ZNF75D: variants seen among roughly 807,000 people sequenced by gnomAD.
ZNF75D encodes zinc finger protein 75.
A neutral mutation model predicts 33.3 loss-of-function variants in ZNF75D; 33 were observed. The ratio of observed to expected loss-of-function variants is 0.99; its 90% CI spans 0.75 to 1.32. The LOEUF is 1.32. ZNF75D is among the 40% of genes most tolerant of loss of function. The pLI is 0.00. For missense variants in ZNF75D, 338 were observed against 367.5 expected (o/e 0.92, Z 0.66); for synonymous variants, 113 against 130.6 (o/e 0.87, Z 0.92).
At chrX:135,271,744 C>T (rs899628794) in intron 1 of ZNF75D, among the ~76,000 whole-genome samples, 1 of 111,708 alleles carries the variant, frequency 9.0e-6, no homozygotes, top group African/African-American at 3.3e-5. Context: ...ATCAGATTGG[C>T]AGCAGTTTGT....
chrX:135,327,744 T>C (rs1230449052), intron 1 of ZNF75D: 3 of 111,987 alleles, frequency 2.7e-5, no homozygotes, highest in Non-Finnish European at 5.6e-5. Flanking sequence ...ACAGTATTCA[T>C]TGCATTTCCA....
intron 1 of ZNF75D, among the ~76,000 whole-genome samples, chrX:135,305,400 GT>G (rs2148479548): frequency 8.9e-6 from 1 of 111,930 alleles, no homozygotes; most frequent in African/African-American, 3.2e-5. Flanking sequence ...ACACTTGAAT[GT>G]CTGGCTAGAA....
intron 1 of ZNF75D, among the ~76,000 whole-genome samples, chrX:135,320,992 G>C: frequency 9.0e-6 from 1 of 111,468 alleles, no homozygotes. Context: ...TCACAGACTC[G>C]GTAATTATAA....
chrX:135,299,731 G>A (rs1234093030), intron 1 of ZNF75D, among the ~76,000 whole-genome samples: 12 of 112,324 alleles, frequency 1.1e-4, no homozygotes, highest in African/African-American at 2.6e-4. Context: ...TCTTTTAGAC[G>A]TTTTATAATG....
chrX:135,285,314 G>A (rs1264858433), downstream of ZNF75D, among the ~76,000 whole-genome samples: 2 of 111,831 alleles, frequency 1.8e-5, no homozygotes, highest in African/African-American at 3.3e-5. Context: ...CAAGTTGAGG[G>A]TTTGTAGTAT....
chrX:135,249,147 C>T (rs1263002814), exon 4 of ZNF75D: 3 of 323,434 alleles, frequency 9.3e-6, no homozygotes, highest in African/African-American at 5.3e-5. Flanking sequence ...GTAAAACGCT[C>T]AGCACCGATT....
At chrX:135,288,790 T>C (rs2083994012) in intron 6 of ZNF75D, among the ~76,000 whole-genome samples, 1 of 112,481 alleles carries the variant, frequency 8.9e-6, no homozygotes. Context: ...CACACAAAAA[T>C]GTATCAAATA....
intron 2 of ZNF75D, among the ~76,000 whole-genome samples, chrX:135,295,223 C>T (rs1282944078): frequency 8.9e-6 from 1 of 112,011 alleles, no homozygotes; most frequent in Admixed American, 9.4e-5. Context: ...TCCTTGCTGA[C>T]CATTCAGGCT....
At chrX:135,333,718 G>A (rs1250243883) in intron 1 of ZNF75D, among the ~76,000 whole-genome samples, 7 of 111,381 alleles carry the variant, frequency 6.3e-5, no homozygotes, top group Admixed American at 1.9e-4. Context: ...CTACCTTCCC[G>A]CAAAACAAAT....
At chrX:135,274,921 G>A (rs1051686023) in intron 1 of ZNF75D, among the ~76,000 whole-genome samples, 1 of 111,460 alleles carries the variant, frequency 9.0e-6, no homozygotes, top group African/African-American at 3.3e-5. Context: ...ACAGTTTTAG[G>A]TTACCAAGGA....
chrX:135,338,024 G>A (rs2084736704), intron 1 of ZNF75D, among the ~76,000 whole-genome samples: 2 of 111,190 alleles, frequency 1.8e-5, no homozygotes, highest in South Asian at 7.6e-4. Context: ...AGAGGGATGA[G>A]ATGCAAGGAG....
intron 1 of ZNF75D, among the ~76,000 whole-genome samples, chrX:135,322,043 G>C (rs1261230068): frequency 8.9e-6 from 1 of 112,102 alleles, no homozygotes; most frequent in Non-Finnish European, 1.9e-5. Context: ...CCCTCTAGTG[G>C]TGTTGACTCA....
chrX:135,286,825 C>G lies in ZNF75D; in HGVS notation c.*312G>C. The stretch of plus-strand genomic sequence containing the variant: ...CATATGTCTGTTGAGCACTTGATAC[C>G]TGAAAAATTTAGATGACTGGGGGTG... On this transcript the variant is annotated 3_prime_UTR_variant, in exon 7 of 7. Transcript: ENST00000370766. 1.3e-5 allele frequency: 3 copies of G among 229,277 alleles called. No homozygotes were observed. Among genetic ancestry groups the G allele is most frequent in the Admixed American group, 7.0e-5 (1 of 14,233 alleles). The allele number at this position is 229,277 out of a possible 1,213,427, so 18.9% of individuals were successfully genotyped here. A position where few individuals can be genotyped will look rare whatever the true frequency, so the allele number is the denominator to read the frequency against.
intron 1 of ZNF75D, among the ~76,000 whole-genome samples, chrX:135,258,663 T>G (rs1281186962): frequency 8.9e-6 from 1 of 111,922 alleles, no homozygotes; most frequent in Non-Finnish European, 1.9e-5. Flanking sequence ...TCTTGCAAAT[T>G]TCTTTGAGTT....
At chrX:135,303,088 C>A (rs2084239966) in intron 1 of ZNF75D, among the ~76,000 whole-genome samples, 1 of 111,134 alleles carries the variant, frequency 9.0e-6, no homozygotes, top group Non-Finnish European at 1.9e-5. Flanking sequence ...CCTTAAAGAG[C>A]AGTATTGCTG....
intron 1 of ZNF75D, among the ~76,000 whole-genome samples, chrX:135,333,581 A>G (rs1052740735): frequency 8.9e-6 from 1 of 112,013 alleles, no homozygotes; most frequent in Admixed American, 9.5e-5. Context: ...CCCTTATATT[A>G]TCATAGGGTG....
At chrX:135,323,596 A>G (rs781790776) in intron 1 of ZNF75D, among the ~76,000 whole-genome samples, 1 of 111,729 alleles carries the variant, frequency 9.0e-6, no homozygotes, top group East Asian at 2.8e-4. Flanking sequence ...ACTTACAGAC[A>G]GTAGTCACAG....
chrX:135,309,524 GA>G (rs1223143967), intron 1 of ZNF75D: 2 of 295,206 alleles, frequency 6.8e-6, no homozygotes, highest in African/African-American at 5.5e-5. Flanking sequence ...AGCCTGCACT[GA>G]ACATCAAGAA....
Position 135,292,446 on chromosome X carries a change from C to T in ZNF75D, c.439G>A (p.Ala147Thr), listed in dbSNP as rs2084057216. The change falls in exon 4 of 7, where the codon GCA (alanine) becomes ACA (threonine). Residue 147 changes from alanine (A) to threonine (T), a missense_variant. Ala to Thr is a moderately conservative substitution (Grantham distance 58, BLOSUM62 0). Coordinates refer to ENST00000370766, the MANE Select transcript of ZNF75D (RefSeq NM_007131.5). ...EVTAHELGKE[A>T]VLLGGTAVAP... The stretch of plus-strand genomic sequence containing the variant: ...ACTGCTGTTCCTCCCAAGAGCACTG[C>T]CTCCTTTCCCAGCTCATGGGCTGTG... The T allele has an allele frequency of 8.3e-7, 1 of 1,211,423 alleles. No individual in the cohort carries two copies. Among genetic ancestry groups the T allele is most frequent in the Admixed American group, 2.2e-5 (1 of 46,041 alleles).
Sources: gnomAD v4.1 joint callset for allele counts (sites outside exome capture counted in the v4.1 genomes callset) on GRCh38, gnomAD v4.1.1 for gene constraint, MANE v1.5 for transcripts, NCBI Gene and HGNC (gene_info 2026-07-23, HGNC 2026-07-21) for gene names.